Variants in PCDH11X observed in about 807,000 individuals in gnomAD.
The protein encoded by PCDH11X is protocadherin 11 X-linked.
A neutral mutation model predicts 53.3 loss-of-function variants in PCDH11X; 18 were observed. The observed-to-expected ratio is 0.34, with a 90% CI of 0.23 to 0.50. PCDH11X has a LOEUF of 0.50. Among genes scored for constraint, PCDH11X ranks in the 20% least tolerant of loss-of-function variants. PCDH11X has a pLI of 0.98. For synonymous variants in PCDH11X, 279 were observed against 393.3 expected (o/e 0.71, Z 3.44); for missense variants, 570 against 1,032.4 (o/e 0.55, Z 6.14).
chrX:92,111,617 T>C (rs1315056782), intron 6 of PCDH11X, among the ~76,000 whole-genome samples: 1 of 111,144 alleles, frequency 9.0e-6, no homozygotes, highest in Non-Finnish European at 1.9e-5. Context: ...GAAAGAGCCG[T>C]AGAAGATATA....
intron 6 of PCDH11X, among the ~76,000 whole-genome samples, chrX:92,196,518 A>T (rs2066294520): frequency 9.0e-6 from 1 of 111,684 alleles, no homozygotes. Flanking sequence ...AACAATTGGG[A>T]TAAGTAAAAA....
intron 10 of PCDH11X, among the ~76,000 whole-genome samples, chrX:92,583,227 G>A (rs752347936): frequency 9.5e-6 from 1 of 105,783 alleles, no homozygotes; most frequent in South Asian, 4.4e-4. Flanking sequence ...AGCCTCCTGA[G>A]TAGCTGGGAT....
intron 10 of PCDH11X, among the ~76,000 whole-genome samples, chrX:92,579,394 G>A (rs1378938766): frequency 9.3e-6 from 1 of 107,755 alleles, no homozygotes; most frequent in Admixed American, 1.0e-4. Context: ...ATCAGTTTTA[G>A]GTTTGGTCTT....
intron 6 of PCDH11X, among the ~76,000 whole-genome samples, chrX:91,969,479 G>T (rs193005786): frequency 1.8e-5 from 2 of 109,825 alleles, no homozygotes; most frequent in East Asian, 2.9e-4. Context: ...TTTACTAAGC[G>T]TCAAGGTAGT....
chrX:91,798,381 G>C (rs1322694181), intron 1 of PCDH11X: 3 of 111,024 alleles, frequency 2.7e-5, no homozygotes, highest in African/African-American at 9.8e-5. Flanking sequence ...CTGAGGTCAG[G>C]AGTTCGAGAC....
chrX:92,384,492 G>A (rs1305272717), intron 8 of PCDH11X, among the ~76,000 whole-genome samples: 1 of 110,240 alleles, frequency 9.1e-6, no homozygotes, highest in Non-Finnish European at 1.9e-5. Context: ...TTCACGCAGA[G>A]TTGGCTGTGT....
intron 6 of PCDH11X, among the ~76,000 whole-genome samples, chrX:91,914,633 G>C (rs1216277102): frequency 9.0e-6 from 1 of 111,350 alleles, no homozygotes; most frequent in African/African-American, 3.3e-5. Flanking sequence ...CAGTAGCATA[G>C]AACACGTAGA....
At chrX:91,852,136 C>T (rs1403481593) in intron 5 of PCDH11X, among the ~76,000 whole-genome samples, 8 of 102,561 alleles carry the variant, frequency 7.8e-5, no homozygotes, top group Admixed American at 1.1e-4. Context: ...GCCTTAGCCT[C>T]CTGAGTAGCT....
At chrX:92,231,797 A>G (rs2067079331) in intron 7 of PCDH11X, among the ~76,000 whole-genome samples, 2 of 112,088 alleles carry the variant, frequency 1.8e-5, no homozygotes, top group Admixed American at 9.5e-5. Context: ...TTAAGTTCTT[A>G]TGGACATTGG....
At chrX:92,406,611 A>G (rs758446857) in intron 9 of PCDH11X, among the ~76,000 whole-genome samples, 1 of 96,122 alleles carries the variant, frequency 1.0e-5, no homozygotes, top group East Asian at 3.8e-4. Flanking sequence ...ATTGTGTCAT[A>G]TCACCCTTTA....
intron 7 of PCDH11X, among the ~76,000 whole-genome samples, chrX:92,218,388 C>A (rs911782940): frequency 4.5e-5 from 5 of 110,497 alleles, no homozygotes; most frequent in Non-Finnish European, 9.5e-5. Flanking sequence ...CCACAGAAAT[C>A]CAAACTACCA....
intron 6 of PCDH11X, among the ~76,000 whole-genome samples, chrX:92,168,313 C>T (rs899702516): frequency 1.8e-5 from 2 of 110,936 alleles, no homozygotes; most frequent in African/African-American, 3.3e-5. Flanking sequence ...AAACCCACCA[C>T]TTTGGAAGGC....
At chrX:92,025,371 C>A (rs2062955239) in intron 6 of PCDH11X, among the ~76,000 whole-genome samples, 1 of 103,492 alleles carries the variant, frequency 9.7e-6, no homozygotes, top group East Asian at 3.2e-4. Flanking sequence ...AAAAAACAAA[C>A]AACCCCATCA....
chrX:92,381,798 G>A, intron 8 of PCDH11X, among the ~76,000 whole-genome samples: 1 of 111,648 alleles, frequency 9.0e-6, no homozygotes, highest in Non-Finnish European at 1.9e-5. Context: ...CACCAGAGAT[G>A]AAGCAGTGTT....
intron 6 of PCDH11X, among the ~76,000 whole-genome samples, chrX:92,062,994 A>G (rs2063544648): frequency 9.0e-6 from 1 of 111,575 alleles, no homozygotes; most frequent in African/African-American, 3.3e-5. Context: ...CATATACGCC[A>G]TGGAATACTA....
intron 1 of PCDH11X, among the ~76,000 whole-genome samples, chrX:91,795,529 A>G (rs1307228539): frequency 8.9e-6 from 1 of 111,891 alleles, no homozygotes; most frequent in African/African-American, 3.2e-5. Flanking sequence ...TTAAATAGTA[A>G]AATGGTGACT....
intron 1 of PCDH11X, among the ~76,000 whole-genome samples, chrX:91,781,665 C>T (rs1210172425): frequency 9.4e-6 from 1 of 106,676 alleles, no homozygotes; most frequent in Non-Finnish European, 2.0e-5. Context: ...TGTGTGTGTG[C>T]GCGTGTGTGT....
intron 4 of PCDH11X, among the ~76,000 whole-genome samples, chrX:91,826,395 G>T (rs1936927530): frequency 9.1e-6 from 1 of 109,416 alleles, no homozygotes; most frequent in African/African-American, 3.3e-5. Context: ...AAGAAGTAGG[G>T]TTTATTTTAA....
At chrX:92,492,037 A>G (rs2073776107) in intron 10 of PCDH11X, among the ~76,000 whole-genome samples, 1 of 111,611 alleles carries the variant, frequency 9.0e-6, no homozygotes, top group African/African-American at 3.3e-5. Context: ...ATATAGGCAA[A>G]TATGCACTAA....
Sources: allele counts gnomAD v4.1 joint callset (sites outside exome capture counted in the v4.1 genomes callset), GRCh38; gene constraint gnomAD v4.1.1; transcripts MANE v1.5; gene names NCBI Gene and HGNC (gene_info 2026-07-23, HGNC 2026-07-21).